TFAP2A: variants seen among roughly 807,000 people sequenced by gnomAD.
The protein encoded by TFAP2A is transcription factor AP-2 alpha.
A neutral mutation model predicts 41.5 loss-of-function variants in TFAP2A; 7 were observed. The observed-to-expected ratio is 0.17, with a 90% CI of 0.10 to 0.32. The LOEUF (loss-of-function observed/expected upper bound fraction) is 0.32, where lower values mean the gene tolerates loss of function less well. Ranked by LOEUF, TFAP2A falls within the 10% of genes least tolerant of loss-of-function variation. TFAP2A has a pLI of 1.00. For synonymous variants in TFAP2A, 247 were observed against 242.8 expected, an observed-to-expected ratio of 1.02 and a Z score of -0.16; for missense variants, 416 against 563.3, an observed-to-expected ratio of 0.74 and a Z score of 2.65.
At chr6:10,402,450 C>A (rs867698160) in intron 5 of TFAP2A, 42 bp downstream of exon 5, 4 of 1,436,710 alleles carry the variant, frequency 2.8e-6, no homozygotes, top group African/African-American at 2.8e-5. Context: ...ATCCATTTTC[C>A]AAGAAGGAAG....
intron 1 of TFAP2A, chr6:10,411,529 A>T (rs779352573): frequency 1.9e-6 from 3 of 1,607,862 alleles, no homozygotes; most frequent in Non-Finnish European, 8.5e-7. Context: ...CCAGAATCCA[A>T]TTCCTAAAGA....
In TFAP2A at chr6:10,402,289, A is replaced by G. The variant is rs184157976; in HGVS notation, c.889+203T>C. ...GGGAGGTGTAACTTTATGGTAGAGG[A>G]AAAGAAGGAAGAAGGATGGAGGTAT... On this transcript the variant is annotated intron_variant, in intron 5 of 6. Transcript: ENST00000379613. 6 of 655,384 alleles carry G rather than the reference A, an allele frequency of 9.2e-6. No homozygotes were observed. The East Asian group carries it at 1.9e-4, about 21-fold the overall frequency. The allele number at this position is 655,384 out of a possible 1,614,324, so 40.6% of individuals were successfully genotyped here.
rs767774394 is a variant in TFAP2A at position 10,400,693 on chromosome 6, G to A, written c.890-104C>T. 1.2e-5 allele frequency: 16 copies of A among 1,326,512 alleles called. No homozygotes were observed. In the South Asian group the frequency reaches 1.4e-4, roughly 12 times the overall value. 82.2% of individuals were successfully genotyped at this position (1,326,512 alleles called of 1,614,324 possible). On this transcript the variant is annotated intron_variant, in intron 5 of 6. Transcript: ENST00000379613. ...CCTAATTCCCTTCACCCCAGATGTT[G>A]CAGGAAACACAAACTACTTGTTTTC...
upstream of TFAP2A, among the ~76,000 whole-genome samples, chr6:10,417,824 G>C (rs1758300782): frequency 6.6e-6 from 1 of 152,078 alleles, no homozygotes; most frequent in Non-Finnish European, 1.5e-5. Context: ...GAGCCCGCAA[G>C]AGCCAGGCCC....
intron 1 of TFAP2A, among the ~76,000 whole-genome samples, chr6:10,414,208 A>G (rs969555487): frequency 1.3e-5 from 2 of 152,222 alleles, no homozygotes; most frequent in African/African-American, 2.4e-5. Context: ...AGCGGCCAGC[A>G]GGCTCGGCGC....
In TFAP2A at chr6:10,398,879, C is replaced by T. The variant is rs1761898404; in HGVS notation, c.1032-174G>A. ...GGCCACATGTTGGGAGATCCAGCCACCTTTCAGTGACCACTAAACCATCTC... is the reference window on the plus strand; with the variant it reads ...GGCCACATGTTGGGAGATCCAGCCATCTTTCAGTGACCACTAAACCATCTC... On this transcript the variant is annotated intron_variant, in intron 6 of 6. Transcript: ENST00000379613. This position sits in a 1 kb window ranked among gnomAD's most constrained non-coding sequence, Gnocchi z 5.3. 6.6e-6 allele frequency among the ~76,000 whole-genome samples: 1 copy of T among 152,188 alleles called. No individual in the cohort carries two copies. The highest frequency in any genetic ancestry group is 1.5e-5 in the Non-Finnish European group (1 of 68,032).
intron 4 of TFAP2A, among the ~76,000 whole-genome samples, chr6:10,403,304 TTTAA>T (rs1321779661): frequency 6.6e-6 from 1 of 152,238 alleles, no homozygotes; most frequent in African/African-American, 2.4e-5. Context: ...TCAAGTGCTC[TTTAA>T]TTGTGTGGAT....
intron 2 of TFAP2A, chr6:10,408,996 A>C (rs1369112398): frequency 1.3e-5 from 2 of 152,256 alleles, no homozygotes; most frequent in Non-Finnish European, 2.9e-5. Context: ...AGCTTTAATA[A>C]AATTATTGGC....
At chr6:10,412,760 C>T (rs941139465) in intron 1 of TFAP2A, 6 of 236,512 alleles carry the variant, frequency 2.5e-5, no homozygotes, top group Admixed American at 2.5e-4. Context: ...CTCGGCTGCC[C>T]GCTGCTGCGC....
intron 2 of TFAP2A, chr6:10,407,500 C>CTTTTTTTTTTTTT (rs1010909089): frequency 3.2e-5 from 4 of 124,158 alleles, no homozygotes; most frequent in Non-Finnish European, 5.2e-5. Context: ...TTTTTCTTTT[C>CTTTTTTTTTTTTT]TTTTTTTTTT....
intron 1 of TFAP2A, chr6:10,412,003 G>C (rs909689538): frequency 3.7e-6 from 4 of 1,078,882 alleles, no homozygotes; most frequent in Non-Finnish European, 4.5e-6. Flanking sequence ...GCGCTGGGCA[G>C]CGTTCCTGGA....
chr6:10,398,303 G>A lies in TFAP2A; in HGVS notation c.*114C>T. On this transcript the variant is annotated 3_prime_UTR_variant, in exon 7 of 7. Coordinates refer to ENST00000379613, the MANE Select transcript of TFAP2A (RefSeq NM_001372066.1). The surrounding 1 kb of genome is among the most constrained non-coding windows in gnomAD (Gnocchi z 5.3). ...AGCGGCGGCGGCGGCGGCGGCAGCA[G>A]CAGCAGCAGTAGCAGCAGCAGGAAG... 1 of 1,595,538 alleles carries A rather than the reference G, an allele frequency of 6.3e-7. No homozygotes were observed. Among genetic ancestry groups the A allele is most frequent in the South Asian group, 1.1e-5 (1 of 89,728 alleles).
chr6:10,415,175 C>G (rs564609127), upstream of TFAP2A: 2,838 of 1,475,810 alleles, frequency 1.9e-3, 3 homozygotes, highest in Non-Finnish European at 2.3e-3. Context: ...AAGAGGAGGG[C>G]GAGGAGGAGG....
rs1475187781 is a variant in TFAP2A at position 10,404,570 on chromosome 6, C to T, written c.708G>A (p.Val236=). The part of the protein sequence containing the change: ...TSKYKVTVAE[V]QRRLSPPECL... Reference sequence around the variant, plus strand: ...ACTCGGGTGGTGAGAGCCGCCGCTGCACTTCCGCCACCGTGACCTTGTACT... The same window carrying T: ...ACTCGGGTGGTGAGAGCCGCCGCTGTACTTCCGCCACCGTGACCTTGTACT... Residue 236 remains valine (V), a synonymous_variant, in exon 4 of 7, where the codon GTG becomes GTA. Transcript: ENST00000379613. 1.9e-6 allele frequency: 3 copies of T among 1,613,964 alleles called. No individual in the cohort carries two copies. The highest frequency in any genetic ancestry group is 1.1e-5 in the South Asian group (1 of 91,080).
upstream of TFAP2A, chr6:10,419,333 G>T (rs1031030116): frequency 3.3e-6 from 5 of 1,522,972 alleles, no homozygotes; most frequent in African/African-American, 5.5e-5. Context: ...GGGCCACGGC[G>T]CTTCCTCTCC....
intron 1 of TFAP2A, among the ~76,000 whole-genome samples, chr6:10,413,446 G>A (rs934347612): frequency 2.0e-5 from 3 of 152,198 alleles, no homozygotes; most frequent in Non-Finnish European, 2.9e-5. Flanking sequence ...GCTGGGTTTC[G>A]GCCTCTGCGA....
At position 10,414,963 on chromosome 6, in the gene TFAP2A, T is replaced by G. The variant is rs897507137; in HGVS notation, c.29A>C (p.Asn10Thr). The change falls in exon 1 of 7, where the codon AAT (asparagine) becomes ACT (threonine). Residue 10 changes from asparagine (N) to threonine (T), a missense_variant. By Grantham distance (65) the Asn-to-Thr change is moderately conservative (BLOSUM62 0). Coordinates refer to ENST00000379613, the MANE Select transcript of TFAP2A (RefSeq NM_001372066.1). Reference sequence around the variant, plus strand: ...TACCTCGCAGTCCTCGTACTTGATATTATCCGTCAATTTCCAAAGCATTTT... The same window carrying G: ...TACCTCGCAGTCCTCGTACTTGATAGTATCCGTCAATTTCCAAAGCATTTT... MKMLWKLTDNIKYEDCEDRH... is the reference protein window; with the variant it reads MKMLWKLTDTIKYEDCEDRH... The G allele has an allele frequency of 2.9e-5, 46 of 1,613,836 alleles. No homozygotes were observed. Among genetic ancestry groups the G allele is most frequent in the Non-Finnish European group, 3.8e-5 (45 of 1,180,002 alleles).
chr6:10,415,328 A>G (rs556166547), upstream of TFAP2A: 1,422 of 1,267,908 alleles, frequency 1.1e-3, 3 homozygotes, highest in Non-Finnish European at 1.4e-3. Context: ...CATATCAACA[A>G]TAGTCCAATT....
chr6:10,407,110 C>G (rs187600115), intron 2 of TFAP2A: 2 of 510,568 alleles, frequency 3.9e-6, no homozygotes, highest in Non-Finnish European at 7.0e-6. Context: ...ATAAAACTTT[C>G]TTTGGAAATT....
Sources: gnomAD v4.1 joint callset for allele counts (sites outside exome capture counted in the v4.1 genomes callset) on GRCh38, gnomAD v4.1.1 for gene constraint, Gnocchi (gnomAD v3.1) non-coding constraint, MANE v1.5 for transcripts, NCBI Gene and HGNC (gene_info 2026-07-23, HGNC 2026-07-21) for gene names.